Variants in KCNJ6 observed in about 807,000 individuals in gnomAD.
The protein encoded by KCNJ6 is potassium inwardly rectifying channel subfamily J member 6, also known as G protein-activated inward rectifier potassium channel 2.
Under a neutral mutation model 34.2 loss-of-function variants are expected in KCNJ6, and 9 were observed. The observed-to-expected ratio is 0.26, with a 90% CI of 0.16 to 0.46. The LOEUF (loss-of-function observed/expected upper bound fraction) is 0.46, where lower values mean the gene tolerates loss of function less well. Among genes scored for constraint, KCNJ6 ranks in the 20% least tolerant of loss-of-function variants. The pLI, the probability that KCNJ6 is intolerant of heterozygous loss-of-function variation, is 1.00. For missense variants in KCNJ6, 236 were observed against 531.3 expected (o/e 0.44, Z 5.46); for synonymous variants, 196 against 207.1 (o/e 0.95, Z 0.46).
chr21:37,651,824 T>C lies in KCNJ6; in HGVS notation c.947-26340A>G, dbSNP rs190508662. On this transcript the variant is annotated intron_variant, in intron 3 of 3. Coordinates refer to ENST00000609713, the MANE Select transcript of KCNJ6 (RefSeq NM_002240.5). ...ATGGTTGGATAAAGTCTTCTGGAACTTTAGGGACAAGTCTAACTTGTCCAG... is the reference window on the plus strand; with the variant it reads ...ATGGTTGGATAAAGTCTTCTGGAACCTTAGGGACAAGTCTAACTTGTCCAG... Among the ~76,000 whole-genome samples, 444 of 152,334 alleles carry C rather than the reference T, an allele frequency of 2.9e-3. 2 individuals carry two copies. The highest frequency in any genetic ancestry group is 9.4e-3 in the African/African-American group (389 of 41,578).
chr21:37,740,641 A>C (rs2054936623), intron 2 of KCNJ6, among the ~76,000 whole-genome samples: 1 of 152,194 alleles, frequency 6.6e-6, no homozygotes, highest in Non-Finnish European at 1.5e-5. Flanking sequence ...ACATGTTCTC[A>C]GGACCTCCTG....
intron 2 of KCNJ6, among the ~76,000 whole-genome samples, chr21:37,733,772 G>A (rs1178595903): frequency 1.3e-5 from 2 of 152,218 alleles, no homozygotes; most frequent in Non-Finnish European, 2.9e-5. Flanking sequence ...GGAGCGCAAT[G>A]TCTCCCTGTA....
In KCNJ6 at chr21:37,863,054, A is replaced by T. The variant is rs1032718833; in HGVS notation, c.-27-22345T>A. Among the ~76,000 whole-genome samples the T allele has an allele frequency of 2.0e-5, 3 of 152,256 alleles. No homozygotes were observed. The East Asian group carries it at 5.8e-4, about 29-fold the overall frequency. On this transcript the variant is annotated intron_variant, in intron 1 of 3. Coordinates refer to ENST00000609713, the MANE Select transcript of KCNJ6 (RefSeq NM_002240.5). ...GAGAGCATAGACACTCGACATTCAC[A>T]GCAGAGAATTACTGGTGAAGATCAA...
intron 2 of KCNJ6, among the ~76,000 whole-genome samples, chr21:37,838,723 T>G (rs2055464281): frequency 6.6e-6 from 1 of 152,184 alleles, no homozygotes; most frequent in African/African-American, 2.4e-5. Context: ...AAGAGCACAT[T>G]TCATCACTTT....
chr21:37,672,257 C>T (rs2054545621), intron 3 of KCNJ6, among the ~76,000 whole-genome samples: 1 of 152,006 alleles, frequency 6.6e-6, no homozygotes, highest in African/African-American at 2.4e-5. Context: ...GCTTTAGCTT[C>T]TAGGAAGGAA....
chr21:37,649,144 A>AC (rs2054420084), intron 3 of KCNJ6, among the ~76,000 whole-genome samples: 6 of 149,792 alleles, frequency 4.0e-5, no homozygotes, highest in Admixed American at 1.3e-4. Context: ...AAAAAAAAAA[A>AC]AAAAAAAAAA....
intron 2 of KCNJ6, among the ~76,000 whole-genome samples, chr21:37,745,209 C>T (rs1438058060): frequency 6.6e-6 from 1 of 151,332 alleles, no homozygotes; most frequent in Non-Finnish European, 1.5e-5. Context: ...ATACTCCTGC[C>T]TCAGCCTTCT....
intron 2 of KCNJ6, among the ~76,000 whole-genome samples, chr21:37,745,718 T>C (rs536465388): frequency 1.3e-5 from 2 of 152,286 alleles, no homozygotes; most frequent in South Asian, 4.1e-4. Flanking sequence ...TTATACACAC[T>C]GAACACCTGC....
intron 2 of KCNJ6, among the ~76,000 whole-genome samples, chr21:37,769,032 A>G (rs752889327): frequency 6.6e-6 from 1 of 152,210 alleles, no homozygotes; most frequent in South Asian, 2.1e-4. Flanking sequence ...GATTGTAAAC[A>G]TTGCACGCAT....
At chr21:37,703,172 T>C (rs1395828929) in intron 3 of KCNJ6, among the ~76,000 whole-genome samples, 2 of 152,136 alleles carry the variant, frequency 1.3e-5, no homozygotes, top group African/African-American at 4.8e-5. Flanking sequence ...TTGATGTTGA[T>C]GGAAATAGAA....
chr21:37,708,243 C>T (rs1214695183), intron 3 of KCNJ6, among the ~76,000 whole-genome samples: 1 of 152,180 alleles, frequency 6.6e-6, no homozygotes, highest in East Asian at 1.9e-4. Flanking sequence ...AGGTTTCTTA[C>T]AGTAGCCTGC....
In KCNJ6 at chr21:37,916,083, C is replaced by CTCCGGCTCCAGG. The variant is rs1443566841; in HGVS notation, c.-239_-228dup. 2 of 152,362 alleles carry CTCCGGCTCCAGG rather than the reference C, an allele frequency of 1.3e-5. No individual in the cohort carries two copies. Among genetic ancestry groups the CTCCGGCTCCAGG allele is most frequent in the Admixed American group, 1.3e-4 (2 of 15,284 alleles). The allele number at this position is 152,362 out of a possible 1,614,324, so 9.4% of individuals were successfully genotyped here. On this transcript the variant is annotated 5_prime_UTR_variant, in exon 1 of 4. Transcript: ENST00000609713. ...GGAGACTCCATTCTGCTCGCGGCTG[C>CTCCGGCTCCAGG]TCCGGCTCCAGGTCCGGCTTCCCGG...
chr21:37,781,003 A>G (rs962310231), intron 2 of KCNJ6, among the ~76,000 whole-genome samples: 3 of 152,236 alleles, frequency 2.0e-5, no homozygotes, highest in Non-Finnish European at 4.4e-5. Context: ...TCTTGGCTCC[A>G]AATATCACGT....
At chr21:37,740,301 GAA>G (rs1569454870) in intron 2 of KCNJ6, among the ~76,000 whole-genome samples, 2 of 152,116 alleles carry the variant, frequency 1.3e-5, no homozygotes, top group African/African-American at 4.8e-5. Context: ...ACACAGACCC[GAA>G]GTCTGATAAG....
chr21:37,834,539 G>C (rs1419122678), intron 2 of KCNJ6, among the ~76,000 whole-genome samples: 1 of 152,226 alleles, frequency 6.6e-6, no homozygotes, highest in Non-Finnish European at 1.5e-5. Context: ...TGTTGCGCCT[G>C]GTGCAGGCAG....
intron 1 of KCNJ6, among the ~76,000 whole-genome samples, chr21:37,903,968 G>T (rs569914256): frequency 2.6e-3 from 395 of 152,302 alleles, no homozygotes; most frequent in Non-Finnish European, 4.1e-3. Flanking sequence ...AAAACATCCA[G>T]ATATTGTTGA....
At chr21:37,690,755 A>C (rs530435307) in intron 3 of KCNJ6, among the ~76,000 whole-genome samples, 1 of 151,144 alleles carries the variant, frequency 6.6e-6, no homozygotes, top group African/African-American at 2.4e-5. Flanking sequence ...AATGGGTGAT[A>C]CTTCAGGTTA....
At chr21:37,898,315 T>G (rs1320391164) in intron 1 of KCNJ6, among the ~76,000 whole-genome samples, 2 of 152,238 alleles carry the variant, frequency 1.3e-5, no homozygotes, top group African/African-American at 2.4e-5. Context: ...GGATTTCATT[T>G]CTTTTAAATT....
chr21:37,864,604 A>G (rs2055612715), intron 1 of KCNJ6, among the ~76,000 whole-genome samples: 1 of 152,168 alleles, frequency 6.6e-6, no homozygotes, highest in South Asian at 2.1e-4. Context: ...AAAGCTTTGA[A>G]GATGTGCAGG....
Sources: gnomAD v4.1 joint callset for allele counts (sites outside exome capture counted in the v4.1 genomes callset) on GRCh38, gnomAD v4.1.1 for gene constraint, MANE v1.5 for transcripts, NCBI Gene and HGNC (gene_info 2026-07-23, HGNC 2026-07-21) for gene names.